MYO1H: variants seen among roughly 807,000 people sequenced by gnomAD.
MYO1H encodes unconventional myosin-Ih.
MYO1H carries 118 observed loss-of-function variants against 149.3 expected under a neutral mutation model. That is an observed-to-expected ratio of 0.79 (90% CI 0.68 to 0.92). The LOEUF is 0.92. Among genes scored for constraint, MYO1H ranks in the 40% least tolerant of loss-of-function variants. The pLI is 0.00. For missense variants in MYO1H, 1,212 were observed against 1,280.7 expected, an observed-to-expected ratio of 0.95 and a Z score of 0.82; for synonymous variants, 447 against 465.2, an observed-to-expected ratio of 0.96 and a Z score of 0.50.
upstream of MYO1H, among the ~76,000 whole-genome samples, chr12:109,347,156 C>G (rs960729113): frequency 6.6e-6 from 1 of 152,154 alleles, no homozygotes; most frequent in Non-Finnish European, 1.5e-5. Context: ...CTGTCCATAC[C>G]CTTAGCCATG....
At chr12:109,363,929 G>T (rs1163233892) in intron 1 of MYO1H, among the ~76,000 whole-genome samples, 1 of 151,978 alleles carries the variant, frequency 6.6e-6, no homozygotes, top group Non-Finnish European at 1.5e-5. Flanking sequence ...GCTGGGCACA[G>T]TGGCTCAAGC....
the MYO1H span, among the ~76,000 whole-genome samples, chr12:109,314,947 C>T: frequency 6.6e-6 from 1 of 152,106 alleles, no homozygotes; most frequent in East Asian, 1.9e-4. Context: ...AAAAAAAATA[C>T]AAAAATTAGC....
intron 21 of MYO1H, 56 bp downstream of exon 21, chr12:109,435,169 C>T: frequency 1.6e-6 from 2 of 1,226,126 alleles, no homozygotes; most frequent in Non-Finnish European, 2.3e-6. Context: ...ACAAGTGGAG[C>T]TTGGGGGTAA....
At chr12:109,321,900 G>C in the MYO1H span, among the ~76,000 whole-genome samples, 6 of 152,042 alleles carry the variant, frequency 3.9e-5, no homozygotes, top group Non-Finnish European at 8.8e-5. Context: ...ATGTAATTAC[G>C]CATGCAATGC....
At chr12:109,428,575 G>A (rs1176476461) in intron 19 of MYO1H, among the ~76,000 whole-genome samples, 1 of 152,170 alleles carries the variant, frequency 6.6e-6, no homozygotes, top group African/African-American at 2.4e-5. Flanking sequence ...ACACTCTCAA[G>A]CATAATAAAT....
rs60551691 is a variant in MYO1H, at chr12:109,396,814, G to GTTTTTT, written c.489+257_489+262dup. 6.0e-3 allele frequency among the ~76,000 whole-genome samples: 305 copies of GTTTTTT among 51,070 alleles called. 18 individuals carry two copies. Among genetic ancestry groups the GTTTTTT allele is most frequent in the African/African-American group, 8.6e-3 (136 of 15,860 alleles). The allele number at this position is 51,070 out of a possible 152,430, so 33.5% of individuals were successfully genotyped here. A position where few individuals can be genotyped will look rare whatever the true frequency, so the allele number is the denominator to read the frequency against. ...GACATTTGGTTTTTGTTTTGGTTTC[G>GTTTTTT]TTTTTTTTTTTTTTTTTTTTTTTTT... On this transcript the variant is annotated intron_variant, in intron 4 of 31. Coordinates refer to ENST00000310903, the Ensembl canonical transcript of MYO1H.
In MYO1H at chr12:109,350,275, T is replaced by C. The variant is rs573166190; in HGVS notation, c.12+2303T>C. On this transcript the variant is annotated intron_variant, in intron 1 of 31. Coordinates refer to ENST00000310903, the Ensembl canonical transcript of MYO1H. ...GTAGGGAATCCATAAACTCCTGATATGGTTTGGCTGTGTCCCCACCCAAAT... is the reference window on the plus strand; with the variant it reads ...GTAGGGAATCCATAAACTCCTGATACGGTTTGGCTGTGTCCCCACCCAAAT... Among the ~76,000 whole-genome samples the C allele has an allele frequency of 1.7e-4, 26 of 152,264 alleles. No homozygotes were observed. In the South Asian group the frequency reaches 4.6e-3, roughly 27 times the overall value.
At chr12:109,419,873 T>TAAA (rs10533849) in intron 15 of MYO1H, among the ~76,000 whole-genome samples, 20 of 145,226 alleles carry the variant, frequency 1.4e-4, no homozygotes, top group Non-Finnish European at 2.4e-4. Context: ...TCCCCCAACT[T>TAAA]AAAAAAAAAA....
intron 15 of MYO1H, among the ~76,000 whole-genome samples, chr12:109,419,053 C>T (rs968777374): frequency 1.3e-5 from 2 of 152,142 alleles, no homozygotes; most frequent in African/African-American, 4.8e-5. Context: ...GCTGACAGCA[C>T]AGAAAGGAAC....
intron 14 of MYO1H, among the ~76,000 whole-genome samples, chr12:109,414,630 A>G (rs1870825333): frequency 6.6e-6 from 1 of 152,192 alleles, no homozygotes; most frequent in Non-Finnish European, 1.5e-5. Flanking sequence ...AAGTTAATTT[A>G]TTATGCAAAT....
chr12:109,410,332 G>C (rs532925427), intron 12 of MYO1H, among the ~76,000 whole-genome samples: 1 of 152,014 alleles, frequency 6.6e-6, no homozygotes, highest in Admixed American at 6.6e-5. Flanking sequence ...TGTAGAGACA[G>C]GGTCTCTCTA....
chr12:109,347,057 A>G (rs188012111), upstream of MYO1H, among the ~76,000 whole-genome samples: 265 of 152,302 alleles, frequency 1.7e-3, 1 homozygote, highest in African/African-American at 6.1e-3. Context: ...GGATTAATAA[A>G]TGAAATCCTG....
chr12:109,324,744 T>C, the MYO1H span, among the ~76,000 whole-genome samples: 10 of 152,142 alleles, frequency 6.6e-5, no homozygotes, highest in African/African-American at 2.4e-4. Context: ...AGGATACGTT[T>C]GCAGAATGTG....
chr12:109,374,907 T>C (rs1488991063), intron 1 of MYO1H, among the ~76,000 whole-genome samples: 1 of 150,814 alleles, frequency 6.6e-6, no homozygotes, highest in Non-Finnish European at 1.5e-5. Flanking sequence ...CAGGCTGGAG[T>C]GTAGTGGCAT....
At chr12:109,366,281 A>G (rs1156585307) in intron 1 of MYO1H, among the ~76,000 whole-genome samples, 1 of 152,222 alleles carries the variant, frequency 6.6e-6, no homozygotes, top group Non-Finnish European at 1.5e-5. Flanking sequence ...CCAATGTCCC[A>G]TTAACTTCAA....
rs924128980 is a variant in MYO1H at position 109,444,678 on chromosome 12, C to T, written c.2993+149C>T. 6.1e-6 allele frequency: 4 copies of T among 653,942 alleles called. No individual in the cohort carries two copies. In the Admixed American group the frequency reaches 7.3e-5, roughly 12 times the overall value. The allele number at this position is 653,942 out of a possible 1,614,324, so 40.5% of individuals were successfully genotyped here. A position where few individuals can be genotyped will look rare whatever the true frequency, so the allele number is the denominator to read the frequency against. On this transcript the variant is annotated intron_variant, in intron 30 of 31. Transcript: ENST00000310903. ...GGCTAGGAGTTCAAGACCAGCCTGG[C>T]CAAAATGGTGAAACCCCGTTTCTAC... is the stretch of plus-strand genomic sequence containing the variant.
intron 1 of MYO1H, among the ~76,000 whole-genome samples, chr12:109,376,273 T>G (rs79982553): frequency 0.038 from 5,786 of 152,330 alleles, 120 homozygotes; most frequent in Middle Eastern, 0.054. Context: ...TAGCACTTGG[T>G]AACTACTGAT....
intron 8 of MYO1H, among the ~76,000 whole-genome samples, chr12:109,406,501 T>C (rs867621520): frequency 1.7e-5 from 2 of 120,762 alleles, no homozygotes; most frequent in Admixed American, 1.8e-4. Flanking sequence ...AAAAAAAAAA[T>C]TAGCTATGAA....
At chr12:109,334,012 A>T in the MYO1H span, among the ~76,000 whole-genome samples, 2 of 150,676 alleles carry the variant, frequency 1.3e-5, no homozygotes. Flanking sequence ...CTCATTATTT[A>T]CTTATTTGTT....
Sources: allele counts gnomAD v4.1 joint callset (sites outside exome capture counted in the v4.1 genomes callset), GRCh38; gene constraint gnomAD v4.1.1; transcripts MANE v1.5; gene names NCBI Gene and HGNC (gene_info 2026-07-23, HGNC 2026-07-21).